CERS1: variants seen among roughly 807,000 people sequenced by gnomAD.
CERS1 encodes Embryonic growth/differentiation factor 1.
CERS1 carries 16 observed loss-of-function variants against 35.7 expected under a neutral mutation model. The ratio of observed to expected loss-of-function variants is 0.45; its 90% CI spans 0.30 to 0.68. The LOEUF (loss-of-function observed/expected upper bound fraction) is 0.68. Among genes scored for constraint, CERS1 ranks in the 30% least tolerant of loss-of-function variants. The pLI is 0.08. For synonymous variants in CERS1, 243 were observed against 201.6 expected (o/e 1.21, Z -1.74); for missense variants, 454 against 453.9 (o/e 1.00, Z 0.00).
In CERS1 at chr19:18,878,719, G is replaced by C; in HGVS notation, c.1010+211C>G. 7.2e-7 allele frequency: 1 copy of C among 1,384,036 alleles called. No homozygotes were observed. Among genetic ancestry groups the C allele is most frequent in the Admixed American group, 3.0e-5 (1 of 33,428 alleles). The allele number at this position is 1,384,036 out of a possible 1,614,324, so 85.7% of individuals were successfully genotyped here. On this transcript the variant is annotated intron_variant, in intron 6 of 7. Coordinates refer to ENST00000623882, the MANE Select transcript of CERS1 (RefSeq NM_021267.5). This position sits in a 1 kb window ranked among gnomAD's most constrained non-coding sequence, Gnocchi z 4.6. ...CTGTCGCCCTGCCTGCCCCTCCCCA[G>C]CCTCTCCCTCCCCTTCCTCACTGTC...
intron 2 of CERS1, among the ~76,000 whole-genome samples, chr19:18,889,037 A>G (rs1190998974): frequency 2.0e-5 from 3 of 151,500 alleles, no homozygotes; most frequent in Non-Finnish European, 2.9e-5. Flanking sequence ...GATTACAGGC[A>G]TGCATCCCCA....
intron 1 of CERS1, among the ~76,000 whole-genome samples, chr19:18,893,779 C>T (rs1306153836): frequency 5.3e-5 from 8 of 151,788 alleles, no homozygotes; most frequent in Non-Finnish European, 1.5e-5. Context: ...GTCCGGCCGC[C>T]GCGGTGCTGG....
chr19:18,890,432 G>A (rs1181509291), intron 2 of CERS1, among the ~76,000 whole-genome samples: 2 of 152,168 alleles, frequency 1.3e-5, no homozygotes, highest in Admixed American at 6.6e-5. Context: ...TACAGTAGTC[G>A]CTCAATAAAT....
rs1295004648 is a variant in CERS1, at chr19:18,895,426, G to A, written c.249+398C>T. On this transcript the variant is annotated intron_variant, in intron 1 of 7. Coordinates refer to ENST00000623882, the MANE Select transcript of CERS1 (RefSeq NM_021267.5). The surrounding 1 kb of genome is among the most constrained non-coding windows in gnomAD (Gnocchi z 6.4). Reference sequence around the variant, plus strand: ...TCTCAGTGTCTGGCTCGGCCCTGCCGGAAAGAGCGCGCGGTGGCCGGAGCC... The same window carrying A: ...TCTCAGTGTCTGGCTCGGCCCTGCCAGAAAGAGCGCGCGGTGGCCGGAGCC... Among the ~76,000 whole-genome samples the A allele has an allele frequency of 6.6e-6, 1 of 152,080 alleles. No individual in the cohort carries two copies. Among genetic ancestry groups the A allele is most frequent in the East Asian group, 1.9e-4 (1 of 5,154 alleles).
intron 6 of CERS1, among the ~76,000 whole-genome samples, chr19:18,877,698 C>T (rs972818751): frequency 2.8e-5 from 4 of 144,278 alleles, no homozygotes; most frequent in South Asian, 2.1e-4. Context: ...GCGGTTGCAG[C>T]GAGCCGAGAT....
chr19:18,877,162 C>T (rs2056073693), intron 6 of CERS1, among the ~76,000 whole-genome samples: 1 of 152,210 alleles, frequency 6.6e-6, no homozygotes, highest in South Asian at 2.1e-4. Flanking sequence ...TTCCCTGATA[C>T]TCTCTGGCAC....
At chr19:18,894,931 C>G (rs1214534760) in intron 1 of CERS1, among the ~76,000 whole-genome samples, 2 of 152,224 alleles carry the variant, frequency 1.3e-5, no homozygotes, top group Non-Finnish European at 2.9e-5. Context: ...GTGTCCAGGC[C>G]AAGCTAAAGG....
In CERS1 at chr19:18,878,822, T is replaced by A; in HGVS notation, c.1010+108A>T. On this transcript the variant is annotated intron_variant, in intron 6 of 7. Transcript: ENST00000623882. The surrounding 1 kb of genome is among the most constrained non-coding windows in gnomAD (Gnocchi z 4.6). ...TTTGGAGTAGGCTTGGGGGGCAGCA[T>A]CCGCGTCGGCCTCATCTGCTGCTGG... is the stretch of plus-strand genomic sequence containing the variant. The A allele has an allele frequency of 1.3e-6, 2 of 1,503,184 alleles. No individual in the cohort carries two copies. The highest frequency in any genetic ancestry group is 2.5e-5 in the South Asian group (2 of 78,542). 93.1% of individuals were successfully genotyped at this position (1,503,184 alleles called of 1,614,324 possible). A position where few individuals can be genotyped will look rare whatever the true frequency, so the allele number is the denominator to read the frequency against.
Position 18,868,664 on chromosome 19 carries a change from T to C in CERS1, c.*1321A>G, listed in dbSNP as rs1292056473. 45 of 1,575,328 alleles carry C rather than the reference T, an allele frequency of 2.9e-5. No homozygotes were observed. Among genetic ancestry groups the C allele is most frequent in the Non-Finnish European group, 3.9e-5 (45 of 1,160,476 alleles). ...CCGCAGCACCACGTTGTCGCTGTTG[T>C]CAAAGAAGAGCACGGAGATGGGCGA... On this transcript the variant is annotated 3_prime_UTR_variant, in exon 8 of 8. Coordinates refer to ENST00000623882, the MANE Select transcript of CERS1 (RefSeq NM_021267.5).
Position 18,868,720 on chromosome 19 carries a change from G to A in CERS1, c.*1265C>T. 9 of 1,542,010 alleles carry A rather than the reference G, an allele frequency of 5.8e-6. No homozygotes were observed. Among genetic ancestry groups the A allele is most frequent in the Non-Finnish European group, 7.9e-6 (9 of 1,141,572 alleles). On this transcript the variant is annotated 3_prime_UTR_variant, in exon 8 of 8. Transcript: ENST00000623882. ...GCGCGGGCACGCAGCAGGGCAGGTC[G>A]GCGGCTCCCGGGGCGGCCGCGTGCA...
In CERS1 at chr19:18,896,038, C is replaced by T; in HGVS notation, c.35G>A (p.Gly12Glu). Residue 12 changes from glycine (G) to glutamate (E), a missense_variant, in exon 1 of 8, where the codon GGG becomes GAG. Gly to Glu is a moderately conservative substitution (Grantham distance 98). Coordinates refer to ENST00000623882, the MANE Select transcript of CERS1 (RefSeq NM_021267.5). The surrounding 1 kb of genome is among the most constrained non-coding windows in gnomAD (Gnocchi z 5.9). Reference protein sequence around the residue: ...AAAGPAAGPTGPEPMPSYAQL... With the variant: ...AAAGPAAGPTEPEPMPSYAQL... ...CGCGTAGCTCGGCATGGGCTCGGGC[C>T]CCGTCGGCCCCGCCGCGGGCCCCGC... 1 of 990,206 alleles carries T rather than the reference C, an allele frequency of 1.0e-6. No homozygotes were observed. Among genetic ancestry groups the T allele is most frequent in the Non-Finnish European group, 1.2e-6 (1 of 834,678 alleles). The allele number at this position is 990,206 out of a possible 1,614,324, so 61.3% of individuals were successfully genotyped here.
intron 2 of CERS1, among the ~76,000 whole-genome samples, chr19:18,892,928 CTTTTT>C (rs2056528731): frequency 2.0e-5 from 3 of 151,776 alleles, no homozygotes; most frequent in African/African-American, 7.3e-5. Context: ...TTTTTCTTTT[CTTTTT>C]TAATACAGAG....
At chr19:18,896,941 A>G (rs2056635269), upstream of CERS1, among the ~76,000 whole-genome samples, 1 of 148,358 alleles carries the variant, frequency 6.7e-6, no homozygotes, top group Admixed American at 6.8e-5. The surrounding 1 kb of genome is among the most constrained non-coding windows in gnomAD (Gnocchi z 5.9). Flanking sequence ...GGGGCTCCCC[A>G]ACATCAGGTT....
intron 2 of CERS1, among the ~76,000 whole-genome samples, chr19:18,892,187 C>T (rs534225944): frequency 3.3e-5 from 5 of 151,904 alleles, no homozygotes; most frequent in African/African-American, 1.2e-4. Flanking sequence ...CGTGAGCCAT[C>T]GCACCAGGCT....
In CERS1 at chr19:18,888,519, TAAAAA is replaced by T. The variant is rs781426705; in HGVS notation, c.410-4257_410-4253del. On this transcript the variant is annotated intron_variant, in intron 2 of 7. Transcript: ENST00000623882. ...GGCGACAGAGTGAGACCCTGTCTCT[TAAAAA>T]AAAAAAAAAAAAAAAAAAAAAACAG... Among the ~76,000 whole-genome samples, 7 of 59,050 alleles carry T rather than the reference TAAAAA, an allele frequency of 1.2e-4. 1 individual carries two copies. In the East Asian group the frequency reaches 3.0e-3, roughly 25 times the overall value. The allele number at this position is 59,050 out of a possible 152,430, so 38.7% of individuals were successfully genotyped here.
At chr19:18,880,765 C>A (rs1048332242) in intron 3 of CERS1, among the ~76,000 whole-genome samples, 11 of 151,974 alleles carry the variant, frequency 7.2e-5, no homozygotes, top group East Asian at 5.8e-4. Flanking sequence ...GTGGTGTGAT[C>A]GGGCCCACTG....
Position 18,895,887 on chromosome 19 carries a change from C to CA in CERS1, c.185dup (p.Leu63AlafsTer68). 1 of 1,276,506 alleles carries CA rather than the reference C, an allele frequency of 7.8e-7. No individual in the cohort carries two copies. The highest frequency in any genetic ancestry group is 9.9e-7 in the Non-Finnish European group (1 of 1,012,426). The allele number at this position is 1,276,506 out of a possible 1,614,324, so 79.1% of individuals were successfully genotyped here. The stretch of plus-strand genomic sequence containing the variant: ...TCCAGCCCAGCGCGCCGAGCGCCAG[C>CA]AGCAGCAGCTCGGGCGGCGCCAGGT... On this transcript the variant is annotated frameshift_variant, in exon 1 of 8. Coordinates refer to ENST00000623882, the MANE Select transcript of CERS1 (RefSeq NM_021267.5). LOFTEE classifies it high-confidence loss of function. The surrounding 1 kb of genome is among the most constrained non-coding windows in gnomAD (Gnocchi z 6.4).
intron 6 of CERS1, among the ~76,000 whole-genome samples, chr19:18,872,339 T>C (rs182992507): frequency 2.0e-5 from 3 of 152,264 alleles, no homozygotes; most frequent in Admixed American, 1.3e-4. Flanking sequence ...TTCTCTGTTA[T>C]CTTTTTTTCT....
Position 18,870,217 on chromosome 19 carries a change from C to G in CERS1, c.*360G>C, listed in dbSNP as rs1164935305. 2 of 1,553,954 alleles carry G rather than the reference C, an allele frequency of 1.3e-6. No homozygotes were observed. Among genetic ancestry groups the G allele is most frequent in the Non-Finnish European group, 1.7e-6 (2 of 1,155,446 alleles). ...AGGGCGGCGGCTGGGCCTGGGGGCA[C>G]GGGGGCGCGGGTCAGGGGCAGCGAG... On this transcript the variant is annotated 3_prime_UTR_variant, in exon 7 of 8. Coordinates refer to ENST00000623882, the MANE Select transcript of CERS1 (RefSeq NM_021267.5). The surrounding 1 kb of genome is among the most constrained non-coding windows in gnomAD (Gnocchi z 5.1).
Sources: allele counts gnomAD v4.1 joint callset (sites outside exome capture counted in the v4.1 genomes callset), GRCh38; gene constraint gnomAD v4.1.1; non-coding constraint Gnocchi (gnomAD v3.1); transcripts MANE v1.5; gene names NCBI Gene and HGNC (gene_info 2026-07-23, HGNC 2026-07-21).